The following AGBL4 variants were observed in gnomAD, a reference collection of about 807,000 sequenced individuals.
AGBL4 encodes AGBL carboxypeptidase 4.
A neutral mutation model predicts 66.4 loss-of-function variants in AGBL4; 58 were observed. The ratio of observed to expected loss-of-function variants is 0.87; its 90% CI spans 0.71 to 1.09. The LOEUF (loss-of-function observed/expected upper bound fraction) is 1.09, where lower values mean the gene tolerates loss of function less well. Among genes scored for constraint, AGBL4 ranks in the 50% least tolerant of loss-of-function variants. The pLI is 0.00. For synonymous variants in AGBL4, 234 were observed against 222.9 expected, an observed-to-expected ratio of 1.05 and a Z score of -0.44; for missense variants, 579 against 631.0, an observed-to-expected ratio of 0.92 and a Z score of 0.88.
intron 5 of AGBL4, among the ~76,000 whole-genome samples, chr1:48,984,111 T>C (rs1285775200): frequency 6.6e-6 from 1 of 152,042 alleles, no homozygotes; most frequent in Non-Finnish European, 1.5e-5. Context: ...ATTGCTAAAA[T>C]GAGTACTAGG....
chr1:48,947,113 C>G (rs1022587036), intron 5 of AGBL4, among the ~76,000 whole-genome samples: 1 of 152,242 alleles, frequency 6.6e-6, no homozygotes, highest in East Asian at 1.9e-4. Flanking sequence ...TTCTCCTTTG[C>G]CTCCCTCCAG....
intron 1 of AGBL4, among the ~76,000 whole-genome samples, chr1:49,968,255 AT>A (rs1206963730): frequency 6.6e-6 from 1 of 152,092 alleles, no homozygotes; most frequent in Non-Finnish European, 1.5e-5. Flanking sequence ...CTTGAAAAAA[AT>A]CTATCATGGC....
At chr1:49,821,354 G>A (rs1183683185) in intron 2 of AGBL4, among the ~76,000 whole-genome samples, 1 of 152,124 alleles carries the variant, frequency 6.6e-6, no homozygotes, top group Admixed American at 6.5e-5. Context: ...CTGAAAACCT[G>A]TTTCTTCATC....
chr1:48,987,092 C>T (rs1002655192), intron 5 of AGBL4, among the ~76,000 whole-genome samples: 2 of 151,498 alleles, frequency 1.3e-5, no homozygotes, highest in African/African-American at 4.8e-5. Context: ...TAACCATAAC[C>T]ATAACCATAA....
intron 4 of AGBL4, among the ~76,000 whole-genome samples, chr1:49,170,077 C>T (rs1646706304): frequency 6.6e-6 from 1 of 151,672 alleles, no homozygotes; most frequent in Non-Finnish European, 1.5e-5. Context: ...CGTCAGGCTT[C>T]ACCACTGTAC....
At chr1:48,537,532 G>A (rs1569667234) in intron 12 of AGBL4, among the ~76,000 whole-genome samples, 1 of 152,110 alleles carries the variant, frequency 6.6e-6, no homozygotes, top group African/African-American at 2.4e-5. Context: ...CAGGGTGAGG[G>A]CCTGTGCTCC....
At chr1:48,642,663 T>A (rs1645776004) in intron 8 of AGBL4, among the ~76,000 whole-genome samples, 1 of 152,122 alleles carries the variant, frequency 6.6e-6, no homozygotes, top group Non-Finnish European at 1.5e-5. Flanking sequence ...AAAAGATTAT[T>A]TTTCTCTATA....
chr1:48,751,418 G>A (rs1380344186), intron 6 of AGBL4, among the ~76,000 whole-genome samples: 2 of 152,182 alleles, frequency 1.3e-5, no homozygotes, highest in African/African-American at 4.8e-5. Context: ...CAGACTGCCT[G>A]ACGCATGGCA....
chr1:48,866,739 A>AT (rs1648132419), intron 6 of AGBL4, among the ~76,000 whole-genome samples: 1 of 152,160 alleles, frequency 6.6e-6, no homozygotes, highest in Non-Finnish European at 1.5e-5. Context: ...GACAAAAGTT[A>AT]TCTTGACCCT....
At chr1:49,948,075 A>G (rs1399159190) in intron 1 of AGBL4, among the ~76,000 whole-genome samples, 1 of 74,364 alleles carries the variant, frequency 1.3e-5, no homozygotes, top group Admixed American at 2.1e-4. Context: ...AATATATGTA[A>G]ATATATGTAA....
At chr1:49,056,316 A>G (rs1156910122) in intron 4 of AGBL4, among the ~76,000 whole-genome samples, 1 of 152,166 alleles carries the variant, frequency 6.6e-6, no homozygotes, top group Non-Finnish European at 1.5e-5. Context: ...AGAGCGATAA[A>G]CAAACAAATC....
At chr1:49,471,216 A>G (rs993144919) in intron 3 of AGBL4, among the ~76,000 whole-genome samples, 4 of 152,044 alleles carry the variant, frequency 2.6e-5, no homozygotes, top group African/African-American at 9.7e-5. Flanking sequence ...AAGCAATAAT[A>G]TAAGTCATTA....
chr1:49,843,037 C>T (rs1160871195), intron 2 of AGBL4, among the ~76,000 whole-genome samples: 2 of 152,190 alleles, frequency 1.3e-5, no homozygotes, highest in Admixed American at 6.5e-5. Context: ...AGCCCACTGA[C>T]AGGCAATTTC....
chr1:48,770,280 C>A (rs537627137), intron 6 of AGBL4, among the ~76,000 whole-genome samples: 1 of 152,078 alleles, frequency 6.6e-6, no homozygotes, highest in African/African-American at 2.4e-5. Context: ...TATGTCTGAC[C>A]AATGAGTGAA....
At chr1:48,668,970 G>A (rs1255773160) in intron 6 of AGBL4, among the ~76,000 whole-genome samples, 1 of 152,190 alleles carries the variant, frequency 6.6e-6, no homozygotes, top group Non-Finnish European at 1.5e-5. Context: ...AGACATTCAG[G>A]GTTAGCTCTG....
At chr1:48,999,593 C>A (rs1446218657) in intron 5 of AGBL4, among the ~76,000 whole-genome samples, 1 of 152,080 alleles carries the variant, frequency 6.6e-6, no homozygotes, top group Non-Finnish European at 1.5e-5. Context: ...GGCTGTGCAG[C>A]ACGAGAAAAG....
chr1:49,695,935 A>G (rs1646974722), intron 3 of AGBL4, among the ~76,000 whole-genome samples: 2 of 152,106 alleles, frequency 1.3e-5, no homozygotes, highest in South Asian at 4.1e-4. Flanking sequence ...GAGTCCCTAA[A>G]TTCAAGACAC....
chr1:49,298,851 A>G (rs900172574), intron 3 of AGBL4, among the ~76,000 whole-genome samples: 2 of 152,178 alleles, frequency 1.3e-5, no homozygotes, highest in Admixed American at 6.5e-5. Flanking sequence ...TAAACCTTCT[A>G]TCTCTTCTCT....
chr1:49,288,712 A>T (rs1287011180), intron 3 of AGBL4, among the ~76,000 whole-genome samples: 2 of 152,164 alleles, frequency 1.3e-5, no homozygotes, highest in Non-Finnish European at 2.9e-5. Context: ...CAAGTTGGAA[A>T]ATTGTGGTAA....
Sources: allele counts gnomAD v4.1 joint callset (sites outside exome capture counted in the v4.1 genomes callset), GRCh38; gene constraint gnomAD v4.1.1; transcripts MANE v1.5; gene names NCBI Gene and HGNC (gene_info 2026-07-23, HGNC 2026-07-21).